The following PCDHA7 variants were observed in gnomAD, a reference collection of about 807,000 sequenced individuals.
PCDHA7 encodes the protein protocadherin alpha-7.
A neutral mutation model predicts 57.2 loss-of-function variants in PCDHA7; 37 were observed. The observed-to-expected ratio is 0.65, with a 90% confidence interval of 0.50 to 0.85. The LOEUF (loss-of-function observed/expected upper bound fraction) is 0.85, where lower values mean the gene tolerates loss of function less well. Among genes scored for constraint, PCDHA7 ranks in the 40% least tolerant of loss-of-function variants. The pLI, the probability that PCDHA7 is intolerant of heterozygous loss-of-function variation, is 0.00. For missense variants in PCDHA7, 1,188 were observed against 1,241.8 expected, an observed-to-expected ratio of 0.96 and a Z score of 0.65; for synonymous variants, 553 against 558.8, an observed-to-expected ratio of 0.99 and a Z score of 0.15.
chr5:140,945,183 A>G (rs1445694327), intron 1 of PCDHA7, among the ~76,000 whole-genome samples: 6 of 152,160 alleles, frequency 3.9e-5, no homozygotes, highest in Admixed American at 2.6e-4. Context: ...TAAATCAAGA[A>G]AACCATGCTA....
intron 1 of PCDHA7, chr5:140,882,939 G>T: frequency 2.5e-6 from 4 of 1,614,164 alleles, no homozygotes; most frequent in Non-Finnish European, 3.4e-6. Context: ...GAGCTGACTG[G>T]CACAGTTCAG....
intron 1 of PCDHA7, among the ~76,000 whole-genome samples, chr5:140,932,800 C>A (rs1041924506): frequency 6.6e-6 from 1 of 151,684 alleles, no homozygotes; most frequent in Non-Finnish European, 1.5e-5. Context: ...AAAAGCAATA[C>A]CTTGGAAACA....
At chr5:140,858,247 G>A in intron 1 of PCDHA7, 2 of 1,596,540 alleles carry the variant, frequency 1.3e-6, no homozygotes, top group East Asian at 4.5e-5. Flanking sequence ...GTGGGCCGGT[G>A]AAGCCCACGC....
At chr5:140,877,467 G>C (rs1554169776) in intron 1 of PCDHA7, 3 of 1,613,752 alleles carry the variant, frequency 1.9e-6, no homozygotes, top group African/African-American at 2.7e-5. Flanking sequence ...CGGCCACGGT[G>C]CTGGTGTCGC....
intron 1 of PCDHA7, chr5:140,858,898 G>A (rs1260279768): frequency 4.9e-6 from 1 of 204,806 alleles, no homozygotes; most frequent in East Asian, 1.4e-4. Context: ...AATATGTGTA[G>A]CGTACCACAG....
intron 1 of PCDHA7, among the ~76,000 whole-genome samples, chr5:140,974,134 C>T (rs1212348196): frequency 1.3e-5 from 2 of 152,290 alleles, no homozygotes; most frequent in East Asian, 1.9e-4. Flanking sequence ...AATCTGCTAA[C>T]CTGAAAACTA....
chr5:140,949,714 T>A (rs2094416715), intron 1 of PCDHA7, among the ~76,000 whole-genome samples: 1 of 151,848 alleles, frequency 6.6e-6, no homozygotes, highest in South Asian at 2.1e-4. Flanking sequence ...TTTTACCCAT[T>A]TTGATAATAT....
intron 1 of PCDHA7, among the ~76,000 whole-genome samples, chr5:140,886,827 G>GA (rs782016620): frequency 0.032 from 1,958 of 60,672 alleles, 33 homozygotes; most frequent in African/African-American, 0.049. Context: ...ACTTCGTCTT[G>GA]AAAAAAAAAA....
intron 1 of PCDHA7, among the ~76,000 whole-genome samples, chr5:140,951,897 G>A (rs2094651245): frequency 6.6e-6 from 1 of 152,106 alleles, no homozygotes; most frequent in Non-Finnish European, 1.5e-5. Context: ...CTGCCTATGA[G>A]CCTGTAAAAT....
At chr5:140,884,563 T>G in intron 1 of PCDHA7, 4 of 1,614,150 alleles carry the variant, frequency 2.5e-6, no homozygotes, top group Non-Finnish European at 3.4e-6. Context: ...AGGGCCCGCA[T>G]AAGACGGACC....
At chr5:140,843,209 G>T (rs2150355357) in intron 1 of PCDHA7, 1 of 1,595,962 alleles carries the variant, frequency 6.3e-7, no homozygotes, top group African/African-American at 1.3e-5. Flanking sequence ...GTACACGGGC[G>T]AGATCAGCAC....
rs1030293372 is a variant in PCDHA7 at position 140,856,468 on chromosome 5, A to C, written c.2355+19730A>C. ...TCTCCGTAACAGAACAAAAGCTCTC[A>C]ATACCTGAATCCAGACTGCTTGACT... On this transcript the variant is annotated intron_variant, in intron 1 of 3. Transcript: ENST00000525929. 2.2e-5 allele frequency: 35 copies of C among 1,597,788 alleles called. 3 individuals are homozygous for C. The East Asian group carries it at 7.4e-4, about 34-fold the overall frequency.
intron 1 of PCDHA7, chr5:140,869,336 A>G (rs781863950): frequency 6.2e-7 from 1 of 1,613,984 alleles, no homozygotes; most frequent in Admixed American, 1.7e-5. Flanking sequence ...CTGGAGGTAA[A>G]TCTGCAGAAT....
At chr5:140,852,634 G>C (rs1450409196) in intron 1 of PCDHA7, 2 of 955,260 alleles carry the variant, frequency 2.1e-6, no homozygotes, top group African/African-American at 3.6e-5. Flanking sequence ...CTGAGCTCCT[G>C]TCATTAAACC....
Position 140,871,315 on chromosome 5 carries a change from CT to C in PCDHA7, c.2355+34578del, listed in dbSNP as rs1352668242. On this transcript the variant is annotated intron_variant, in intron 1 of 3. Transcript: ENST00000525929. ...CGCGTGCGCGCCGGGGAAGCCCACGCTGGTGTGCTCCCGCGCGGTGGGGAGC... is the reference window on the plus strand; with the variant it reads ...CGCGTGCGCGCCGGGGAAGCCCACGCGGTGTGCTCCCGCGCGGTGGGGAGC... The C allele has an allele frequency of 8.1e-6, 13 of 1,613,928 alleles. No homozygotes were observed. In the Admixed American group the frequency reaches 2.0e-4, roughly 25 times the overall value.
intron 1 of PCDHA7, among the ~76,000 whole-genome samples, chr5:140,873,716 A>G (rs1476838319): frequency 6.6e-6 from 1 of 152,184 alleles, no homozygotes; most frequent in Non-Finnish European, 1.5e-5. Context: ...GCTGGTGTGC[A>G]GTGGCGCAAT....
At chr5:140,864,675 T>A (rs1331256646) in intron 1 of PCDHA7, 6 of 152,254 alleles carry the variant, frequency 3.9e-5, no homozygotes, top group African/African-American at 1.4e-4. Context: ...GTTGACTTAA[T>A]TGCTGCTGTC....
chr5:140,877,325 C>G lies in PCDHA7; in HGVS notation c.2355+40587C>G. 1.2e-6 allele frequency: 2 copies of G among 1,613,974 alleles called. No individual in the cohort carries two copies. Among genetic ancestry groups the G allele is most frequent in the Non-Finnish European group, 1.7e-6 (2 of 1,179,864 alleles). The stretch of plus-strand genomic sequence containing the variant: ...GAGTTGCAACCGGCGGCGGTCGGCG[C>G]GCACATCCCGTTCCACGTGGGGCTG... On this transcript the variant is annotated intron_variant, in intron 1 of 3. Transcript: ENST00000525929.
At position 140,974,381 on chromosome 5, in the gene PCDHA7, G is replaced by A. The variant is rs782006620; in HGVS notation, c.2356-4568G>A. 3.3e-5 allele frequency among the ~76,000 whole-genome samples: 5 copies of A among 152,272 alleles called. No homozygotes were observed. In the East Asian group the frequency reaches 7.7e-4, roughly 23 times the overall value. On this transcript the variant is annotated intron_variant, in intron 1 of 3. Transcript: ENST00000525929. ...AGACCTAGCACTTTCTGTTGTACTG[G>A]AACCCATTAGGTATGTTCTAAAGTT...
Sources: allele counts gnomAD v4.1 joint callset (sites outside exome capture counted in the v4.1 genomes callset), GRCh38; gene constraint gnomAD v4.1.1; transcripts MANE v1.5; gene names NCBI Gene and HGNC (gene_info 2026-07-23, HGNC 2026-07-21).